Variants in IGSF11 observed in about 807,000 individuals in gnomAD.
The protein encoded by IGSF11 is immunoglobulin superfamily member 11.
A neutral mutation model predicts 41.0 loss-of-function variants in IGSF11; 22 were observed. The ratio of observed to expected loss-of-function variants is 0.54; its 90% CI spans 0.38 to 0.77. IGSF11 has a LOEUF of 0.77. IGSF11 is among the 30% of genes least tolerant of loss of function. The pLI is 0.00. For synonymous variants in IGSF11, 219 were observed against 201.3 expected, an observed-to-expected ratio of 1.09 and a Z score of -0.74; for missense variants, 444 against 530.8, an observed-to-expected ratio of 0.84 and a Z score of 1.61.
At chr3:119,106,243 T>C (rs1036432128), upstream of IGSF11, among the ~76,000 whole-genome samples, 10 of 152,202 alleles carry the variant, frequency 6.6e-5, 1 homozygote, top group South Asian at 8.3e-4. Flanking sequence ...TTTTTAAGGA[T>C]GCAATTAAAT....
intron 1 of IGSF11, among the ~76,000 whole-genome samples, chr3:118,936,659 G>T (rs567532280): frequency 6.6e-6 from 1 of 152,190 alleles, no homozygotes; most frequent in East Asian, 1.9e-4. Context: ...ATGACTCTCA[G>T]CAATTACATA....
intron 1 of IGSF11, among the ~76,000 whole-genome samples, chr3:119,113,788 G>A (rs536282103): frequency 6.6e-6 from 1 of 152,356 alleles, no homozygotes; most frequent in African/African-American, 2.4e-5. Flanking sequence ...CCTCTGCACT[G>A]CCCTAGTAGA....
chr3:119,057,202 A>T (rs557699990), intron 1 of IGSF11, among the ~76,000 whole-genome samples: 2 of 152,230 alleles, frequency 1.3e-5, no homozygotes, highest in African/African-American at 4.8e-5. Context: ...TGCAGACGAC[A>T]TGACTGTATA....
intron 1 of IGSF11, among the ~76,000 whole-genome samples, chr3:119,140,373 A>C (rs1366852746): frequency 6.6e-6 from 1 of 152,184 alleles, no homozygotes. Flanking sequence ...TGTTACTTGA[A>C]AAAGTACATT....
At chr3:119,138,639 T>A (rs908614590) in intron 1 of IGSF11, among the ~76,000 whole-genome samples, 1 of 152,064 alleles carries the variant, frequency 6.6e-6, no homozygotes, top group Middle Eastern at 3.2e-3. Flanking sequence ...GAGCTGAGAT[T>A]GTTCCACTGC....
intron 1 of IGSF11, among the ~76,000 whole-genome samples, chr3:119,032,714 C>T (rs559589628): frequency 2.5e-4 from 38 of 152,210 alleles, no homozygotes; most frequent in Non-Finnish European, 4.9e-4. Context: ...AAAAAGTAAA[C>T]TTTTCCAAGA....
At chr3:119,112,451 C>A (rs559178854) in intron 1 of IGSF11, among the ~76,000 whole-genome samples, 1 of 152,134 alleles carries the variant, frequency 6.6e-6, no homozygotes, top group Non-Finnish European at 1.5e-5. Context: ...GTTGGAAAAG[C>A]GCAGTATTTG....
intron 1 of IGSF11, among the ~76,000 whole-genome samples, chr3:118,951,434 C>G (rs1407212384): frequency 6.6e-6 from 1 of 152,108 alleles, no homozygotes; most frequent in Non-Finnish European, 1.5e-5. Flanking sequence ...CACACAGATA[C>G]AACTACACAC....
At chr3:118,980,802 C>A (rs952270213) in intron 1 of IGSF11, among the ~76,000 whole-genome samples, 3 of 152,168 alleles carry the variant, frequency 2.0e-5, no homozygotes, top group East Asian at 1.9e-4. Context: ...TTAATATGTA[C>A]AAATATAATG....
At chr3:118,935,248 T>G (rs933824806) in intron 1 of IGSF11, among the ~76,000 whole-genome samples, 1 of 143,918 alleles carries the variant, frequency 6.9e-6, no homozygotes, top group Non-Finnish European at 1.5e-5. Context: ...TATATATATG[T>G]ATATATATAT....
intron 1 of IGSF11, among the ~76,000 whole-genome samples, chr3:118,955,457 A>G (rs1944892594): frequency 6.6e-6 from 1 of 152,048 alleles, no homozygotes; most frequent in African/African-American, 2.4e-5. Flanking sequence ...TCAGGTATTA[A>G]AGTCTTTGAA....
chr3:118,927,518 GT>G (rs951835427), intron 3 of IGSF11, among the ~76,000 whole-genome samples: 2 of 152,066 alleles, frequency 1.3e-5, no homozygotes, highest in African/African-American at 4.8e-5. Context: ...TTGGTCATCA[GT>G]TTTTTTATTC....
In IGSF11 at chr3:118,935,090, A is replaced by G. The variant is rs999880745; in HGVS notation, c.53-4815T>C. 3.9e-5 allele frequency among the ~76,000 whole-genome samples: 6 copies of G among 152,010 alleles called. No homozygotes were observed. The South Asian group carries it at 6.2e-4, about 16-fold the overall frequency. Reference sequence around the variant, plus strand: ...GTGTCAGAACACCACCAAGCTTTTAATCATACCTTGCGATTATATAACAAA... The same window carrying G: ...GTGTCAGAACACCACCAAGCTTTTAGTCATACCTTGCGATTATATAACAAA... On this transcript the variant is annotated intron_variant, in intron 1 of 6. Coordinates refer to ENST00000393775, the MANE Select transcript of IGSF11 (RefSeq NM_001015887.3).
chr3:118,997,116 C>T (rs1936347926), intron 1 of IGSF11, among the ~76,000 whole-genome samples: 1 of 151,746 alleles, frequency 6.6e-6, no homozygotes, highest in Non-Finnish European at 1.5e-5. Context: ...GACATTTGGC[C>T]TCACTATTTC....
At chr3:119,119,602 C>G (rs1226609529) in intron 1 of IGSF11, among the ~76,000 whole-genome samples, 1 of 152,172 alleles carries the variant, frequency 6.6e-6, no homozygotes, top group African/African-American at 2.4e-5. Context: ...CTGGCAGAAG[C>G]CAAAAGCCAG....
At chr3:118,957,350 T>G (rs1485119158) in intron 1 of IGSF11, among the ~76,000 whole-genome samples, 3 of 152,162 alleles carry the variant, frequency 2.0e-5, no homozygotes, top group African/African-American at 7.2e-5. Context: ...TTAATCTAGG[T>G]ACCCACAGCC....
intron 1 of IGSF11, among the ~76,000 whole-genome samples, chr3:118,942,688 A>T (rs1943791422): frequency 6.6e-6 from 1 of 152,246 alleles, no homozygotes; most frequent in Non-Finnish European, 1.5e-5. Context: ...AAATGAAAAC[A>T]ATAACAATTA....
intron 1 of IGSF11, among the ~76,000 whole-genome samples, chr3:118,981,636 A>G (rs969871765): frequency 2.0e-5 from 3 of 152,126 alleles, no homozygotes; most frequent in African/African-American, 7.2e-5. Context: ...GGACAGCTAA[A>G]CAGAGCCTAT....
chr3:118,905,578 G>C lies in IGSF11; in HGVS notation c.703+18C>G, dbSNP rs748194851. 5.0e-6 allele frequency: 8 copies of C among 1,613,474 alleles called. No individual in the cohort carries two copies. The highest frequency in any genetic ancestry group is 1.7e-4 in the Middle Eastern group (1 of 6,044). The stretch of plus-strand genomic sequence containing the variant: ...AGTTTCAGACCCATGGTTGACATCA[G>C]AATTTCCATATGCTTACGTGAAATA... On this transcript the variant is annotated intron_variant, in intron 5 of 6. Transcript: ENST00000393775.
Sources: allele counts gnomAD v4.1 joint callset (sites outside exome capture counted in the v4.1 genomes callset), GRCh38; gene constraint gnomAD v4.1.1; transcripts MANE v1.5; gene names NCBI Gene and HGNC (gene_info 2026-07-23, HGNC 2026-07-21).